The following PI4KA variants were observed in gnomAD, a reference collection of about 807,000 sequenced individuals.
PI4KA encodes PI4-kinase alpha.
PI4KA carries 122 observed loss-of-function variants against 271.4 expected under a neutral mutation model. That is an observed-to-expected ratio of 0.45 (90% confidence interval 0.39 to 0.52). The LOEUF (loss-of-function observed/expected upper bound fraction) is 0.52, where lower values mean the gene tolerates loss of function less well. PI4KA is among the 20% of genes least tolerant of loss of function. PI4KA has a pLI of 0.00. For synonymous variants in PI4KA, 1,041 were observed against 1,078.8 expected (o/e 0.96, Z 0.69); for missense variants, 1,969 against 2,769.1 (o/e 0.71, Z 6.48).
At position 20,793,255 on chromosome 22, in the gene PI4KA, C is replaced by A; in HGVS notation, c.2278-12G>T. On this transcript the variant is annotated splice_polypyrimidine_tract_variant and intron_variant, in intron 18 of 54. Coordinates refer to ENST00000255882, the MANE Select transcript of PI4KA (RefSeq NM_058004.4). The stretch of plus-strand genomic sequence containing the variant: ...GCACTGCTAGAAGCCTAGAAAAGAA[C>A]AGAATTATTGTCATTAACGAGTATG... 1 of 1,504,660 alleles carries A rather than the reference C, an allele frequency of 6.6e-7. No homozygotes were observed. The allele number at this position is 1,504,660 out of a possible 1,614,324, so 93.2% of individuals were successfully genotyped here.
At chr22:20,725,762 C>T (rs1927274722) in intron 42 of PI4KA, 2 of 301,486 alleles carry the variant, frequency 6.6e-6, no homozygotes, top group South Asian at 2.8e-5. Context: ...TGGGCGTGGT[C>T]GCACACGCCT....
chr22:20,819,517 G>A, intron 6 of PI4KA, 124 bp downstream of exon 6: 1 of 897,884 alleles, frequency 1.1e-6, no homozygotes, highest in African/African-American at 1.7e-5. Flanking sequence ...GTATTAAAGA[G>A]AATTCTAGTG....
At position 20,811,009 on chromosome 22, in the gene PI4KA, A is replaced by C. The variant is rs1484006124; in HGVS notation, c.1029T>G (p.Ala343=). Residue 343 remains alanine (A), a synonymous_variant, in exon 9 of 55, where the codon GCT becomes GCG. Coordinates refer to ENST00000255882, the MANE Select transcript of PI4KA (RefSeq NM_058004.4). The stretch of plus-strand genomic sequence containing the variant: ...CAATGGCATCCAAAGATTTGAGAAC[A>C]GCCTCCTCAACGATCTTCTTCACCT... The part of the protein sequence containing the change: ...LNLVKKIVEE[A]VLKSLDAIVA... 6.2e-7 allele frequency: 1 copy of C among 1,613,766 alleles called. No homozygotes were observed.
chr22:20,721,205 G>T (rs146422944), intron 43 of PI4KA, 93 bp downstream of exon 43: 6 of 1,375,028 alleles, frequency 4.4e-6, no homozygotes, highest in Non-Finnish European at 6.2e-6. Context: ...AGCTGGGGCA[G>T]TGCAGGCTGG....
chr22:20,783,915 G>T, intron 19 of PI4KA: 1 of 1,610,028 alleles, frequency 6.2e-7, no homozygotes, highest in Non-Finnish European at 8.5e-7. Flanking sequence ...TCTCAAGGGT[G>T]AGACGATTTC....
intron 19 of PI4KA, among the ~76,000 whole-genome samples, chr22:20,780,560 G>A (rs1251039663): frequency 6.6e-6 from 1 of 152,084 alleles, no homozygotes; most frequent in Non-Finnish European, 1.5e-5. Context: ...TTGAGGTCAG[G>A]AGTTCGAGAT....
At chr22:20,788,142 C>T (rs979508915) in intron 19 of PI4KA, among the ~76,000 whole-genome samples, 12 of 152,312 alleles carry the variant, frequency 7.9e-5, no homozygotes, top group African/African-American at 2.2e-4. Flanking sequence ...GGATGACTGA[C>T]GGTCACAGGT....
At position 20,765,191 on chromosome 22, in the gene PI4KA, G is replaced by C; in HGVS notation, c.2483C>G (p.Thr828Ser). 1 of 1,613,906 alleles carries C rather than the reference G, an allele frequency of 6.2e-7. No individual in the cohort carries two copies. Among genetic ancestry groups the C allele is most frequent in the Non-Finnish European group, 8.5e-7 (1 of 1,179,842 alleles). The change falls in exon 21 of 55, where the codon ACT becomes AGT. Residue 828 changes from threonine (T) to serine (S), a missense_variant. Thr to Ser is a moderately conservative substitution (Grantham distance 58). Coordinates refer to ENST00000255882, the MANE Select transcript of PI4KA (RefSeq NM_058004.4). ...GGGAAAGGTGAGCAAGGGGGACTTA[G>C]TGGCTATTTCACAGACCCCCTCGTA... Reference protein sequence around the residue: ...EWYEGVCEIATKSPLLTFPSK... With the variant: ...EWYEGVCEIASKSPLLTFPSK...
At chr22:20,725,411 T>C in intron 42 of PI4KA, 1 of 310,824 alleles carries the variant, frequency 3.2e-6, no homozygotes, top group Non-Finnish European at 7.0e-6. Flanking sequence ...TCCCTTCAAA[T>C]TCATATGTTA....
At chr22:20,770,284 G>A (rs947543676) in intron 19 of PI4KA, among the ~76,000 whole-genome samples, 1 of 151,186 alleles carries the variant, frequency 6.6e-6, no homozygotes, top group African/African-American at 2.4e-5. Flanking sequence ...AGGCTGAGGC[G>A]GGCAGATCAT....
chr22:20,722,601 C>T (rs931595253), intron 42 of PI4KA, among the ~76,000 whole-genome samples: 1 of 152,212 alleles, frequency 6.6e-6, no homozygotes, highest in Non-Finnish European at 1.5e-5. Context: ...ATAGTAGTAA[C>T]TCCAGTTTTT....
chr22:20,851,491 C>G (rs1445529791), intron 1 of PI4KA, among the ~76,000 whole-genome samples: 2 of 152,102 alleles, frequency 1.3e-5, no homozygotes, highest in African/African-American at 2.4e-5. Context: ...GCGCACACCA[C>G]CACGCCCTGC....
chr22:20,726,516 T>C lies in PI4KA; in HGVS notation c.4967A>G (p.Gln1656Arg), dbSNP rs773303370. ...PPDAILFYIP[Q>R]IVQALRYDKM... ...GTCGTACCTGAGGGCCTGCACAATCTGGGGGATGTAGAAGAGGATGGCGTC... is the reference window on the plus strand; with the variant it reads ...GTCGTACCTGAGGGCCTGCACAATCCGGGGGATGTAGAAGAGGATGGCGTC... The change falls in exon 42 of 55, where the codon CAG becomes CGG. Residue 1656 changes from glutamine (Q) to arginine (R), a missense_variant. Physicochemically the swap from Gln to Arg is conservative, Grantham distance 43. Coordinates refer to ENST00000255882, the MANE Select transcript of PI4KA (RefSeq NM_058004.4). 1.2e-5 allele frequency: 19 copies of C among 1,580,090 alleles called. No homozygotes were observed. Among genetic ancestry groups the C allele is most frequent in the Non-Finnish European group, 2.6e-6 (3 of 1,167,200 alleles).
chr22:20,721,488 C>G, intron 42 of PI4KA, 70 bp from the exon 43 acceptor site: 1 of 1,556,432 alleles, frequency 6.4e-7, no homozygotes, highest in South Asian at 1.1e-5. Context: ...TCAGCAGCTG[C>G]TGACTCCCGG....
At position 20,858,574 on chromosome 22, in the gene PI4KA, T is replaced by A. The variant is rs1250843449; in HGVS notation, c.152A>T (p.Glu51Val). 25 of 1,399,590 alleles carry A rather than the reference T, an allele frequency of 1.8e-5. No homozygotes were observed. Among genetic ancestry groups the A allele is most frequent in the African/African-American group, 3.0e-5 (2 of 67,272 alleles). The allele number at this position is 1,399,590 out of a possible 1,614,324, so 86.7% of individuals were successfully genotyped here. The change falls in exon 1 of 55, where the codon GAG (glutamate) becomes GTG (valine). Residue 51 changes from glutamate (E) to valine (V), a missense_variant. Physicochemically the swap from Glu to Val is moderately radical, Grantham distance 121. Around this residue, in one of 13 missense-constraint regions of PI4KA, gnomAD observed 540 missense variants for 555.5 expected, o/e 0.97. Transcript: ENST00000255882. ...GGCCCAGCCCGCCGACGTTACCTTC[T>A]CCAAGGATGCTGGTCTCTGCACCGC... ...SLAVQRPASL[E>V]KVQKLLCMCP...
chr22:20,848,237 CAAAAAAAAAAAAAA>C (rs60503165), intron 1 of PI4KA, among the ~76,000 whole-genome samples: 1 of 51,226 alleles, frequency 2.0e-5, no homozygotes, highest in Non-Finnish European at 3.9e-5. Context: ...GACTCCATCT[CAAAAAAAAAAAAAA>C]AAAAAAAAAG....
chr22:20,707,878 T>C lies in PI4KA; in HGVS notation c.*169A>G. The C allele has an allele frequency of 1.3e-6, 1 of 742,838 alleles. No individual in the cohort carries two copies. Among genetic ancestry groups the C allele is most frequent in the Non-Finnish European group, 2.5e-6 (1 of 401,830 alleles). The allele number at this position is 742,838 out of a possible 1,614,324, so 46.0% of individuals were successfully genotyped here. A position where few individuals can be genotyped will look rare whatever the true frequency, so the allele number is the denominator to read the frequency against. On this transcript the variant is annotated 3_prime_UTR_variant, in exon 55 of 55. Coordinates refer to ENST00000255882, the MANE Select transcript of PI4KA (RefSeq NM_058004.4). ...TGATTGTCGCTGCAGTCCATGGCGT[T>C]ACCAAGGCTGCGCCACCCACGTGCT... is the stretch of plus-strand genomic sequence containing the variant.
chr22:20,725,075 A>G (rs1927191636), intron 42 of PI4KA, among the ~76,000 whole-genome samples: 1 of 152,156 alleles, frequency 6.6e-6, no homozygotes, highest in Non-Finnish European at 1.5e-5. Context: ...GCTGTTCTAG[A>G]AGCACTTTGG....
intron 39 of PI4KA, among the ~76,000 whole-genome samples, chr22:20,728,770 T>A (rs935197903): frequency 6.6e-6 from 1 of 152,178 alleles, no homozygotes; most frequent in African/African-American, 2.4e-5. Flanking sequence ...CCTGGACACA[T>A]TCACAGGAGG....
Sources: allele counts gnomAD v4.1 joint callset (sites outside exome capture counted in the v4.1 genomes callset), GRCh38; gene constraint gnomAD v4.1.1; regional missense constraint gnomAD v4.1.1; transcripts MANE v1.5; gene names NCBI Gene and HGNC (gene_info 2026-07-23, HGNC 2026-07-21).